The following NUF2 variants were observed in gnomAD, a reference collection of about 807,000 sequenced individuals.
NUF2 encodes kinetochore protein Nuf2.
In NUF2, 34 loss-of-function variants were observed where a neutral mutation model predicts 61.8. The ratio of observed to expected loss-of-function variants is 0.55; its 90% CI spans 0.42 to 0.73. The LOEUF (loss-of-function observed/expected upper bound fraction) is 0.73, where lower values mean the gene tolerates loss of function less well. Ranked by LOEUF, NUF2 falls within the 30% of genes least tolerant of loss-of-function variation. NUF2 has a pLI of 0.00. For missense variants in NUF2, 445 were observed against 539.1 expected (o/e 0.83, Z 1.73); for synonymous variants, 172 against 181.6 (o/e 0.95, Z 0.42).
chr1:163,335,544 A>G (rs1411618216), intron 5 of NUF2, among the ~76,000 whole-genome samples: 2 of 148,668 alleles, frequency 1.3e-5, no homozygotes, highest in African/African-American at 4.9e-5. Context: ...ATATAATGTG[A>G]CTTTTAGGTG....
At chr1:163,355,202 C>A in intron 13 of NUF2, 133 bp from the exon 14 acceptor site, 1 of 647,812 alleles carries the variant, frequency 1.5e-6, no homozygotes. Flanking sequence ...TAGACATGCA[C>A]ATTTGTGTGT....
intron 5 of NUF2, among the ~76,000 whole-genome samples, chr1:163,334,921 T>A (rs1389506659): frequency 6.6e-6 from 1 of 152,160 alleles, no homozygotes; most frequent in Non-Finnish European, 1.5e-5. Context: ...CTGACTGTAC[T>A]ATGCCATTTT....
chr1:163,327,100 ACACACACACACACACACAC>A (rs1466566875), intron 2 of NUF2, among the ~76,000 whole-genome samples: 25,439 of 145,204 alleles, frequency 0.18, 2,234 homozygotes, highest in Non-Finnish European at 0.19. Flanking sequence ...TCCTGTGTTC[ACACACACACACACACACAC>A]ACACACACAC....
chr1:163,335,211 C>T (rs558332570), intron 5 of NUF2, among the ~76,000 whole-genome samples: 57 of 152,186 alleles, frequency 3.7e-4, no homozygotes, highest in African/African-American at 1.3e-3. Context: ...CTCGGCCTCC[C>T]AAAGTGCTAG....
intron 13 of NUF2, among the ~76,000 whole-genome samples, chr1:163,352,222 C>T (rs1433891387): frequency 6.6e-6 from 1 of 152,192 alleles, no homozygotes; most frequent in East Asian, 1.9e-4. Context: ...ACTCTTCATA[C>T]ATGTACATAG....
At chr1:163,348,896 T>C in intron 12 of NUF2, 49 bp from the exon 13 acceptor site, 4 of 1,581,718 alleles carry the variant, frequency 2.5e-6, no homozygotes, top group Non-Finnish European at 3.4e-6. Context: ...TGTTTGCCTT[T>C]TTAGTTGCTG....
chr1:163,339,311 G>A, intron 7 of NUF2, 70 bp from the exon 8 acceptor site: 1 of 858,842 alleles, frequency 1.2e-6, no homozygotes, highest in Non-Finnish European at 1.9e-6. Context: ...TCAGTTATTT[G>A]AGGACAGGTA....
chr1:163,339,072 G>A (rs1650855176), intron 7 of NUF2, among the ~76,000 whole-genome samples: 1 of 152,044 alleles, frequency 6.6e-6, no homozygotes. Flanking sequence ...CAGTGCAGAG[G>A]TAGAGAAATC....
intron 11 of NUF2, chr1:163,346,320 T>C (rs1261504101): frequency 6.6e-6 from 1 of 152,234 alleles, no homozygotes; most frequent in Non-Finnish European, 1.5e-5. Flanking sequence ...CAAAATATCT[T>C]ATTGTACTAA....
chr1:163,354,175 GC>G (rs1651414979), intron 13 of NUF2, among the ~76,000 whole-genome samples: 1 of 151,998 alleles, frequency 6.6e-6, no homozygotes, highest in African/African-American at 2.4e-5. Context: ...AAGAAATAAA[GC>G]CTTCAAAAAT....
At chr1:163,334,455 C>T (rs542922131) in intron 5 of NUF2, among the ~76,000 whole-genome samples, 3 of 152,132 alleles carry the variant, frequency 2.0e-5, no homozygotes, top group African/African-American at 7.2e-5. Context: ...GTTAAAAAGC[C>T]TTTATTTCAC....
chr1:163,355,436 A>G lies in NUF2; in HGVS notation c.1362A>G (p.Glu454=), dbSNP rs1651455429. ...SYAKIDEKTA[E]LKRKMFKMST ...CTAAGATAGATGAGAAGACAGCTGA[A>G]CTGAAGAGGAAGATGTTCAAAATGT... Residue 454 remains glutamate (E), a synonymous_variant, in exon 14 of 14, where the codon GAA becomes GAG. Transcript: ENST00000271452. 6.2e-7 allele frequency: 1 copy of G among 1,602,416 alleles called. No individual in the cohort carries two copies. The highest frequency in any genetic ancestry group is 8.5e-7 in the Non-Finnish European group (1 of 1,174,088).
intron 5 of NUF2, among the ~76,000 whole-genome samples, chr1:163,335,451 T>G (rs1650726034): frequency 6.6e-6 from 1 of 152,192 alleles, no homozygotes; most frequent in Non-Finnish European, 1.5e-5. Context: ...CTTATCTTTG[T>G]TTCTCTCTAT....
intron 1 of NUF2, among the ~76,000 whole-genome samples, chr1:163,322,471 A>C (rs1650260098): frequency 6.6e-6 from 1 of 152,188 alleles, no homozygotes; most frequent in South Asian, 2.1e-4. Flanking sequence ...CAAATCCAAA[A>C]CCATGAATGA....
Position 163,328,316 on chromosome 1 carries a change from G to A in NUF2, c.275+12G>A, listed in dbSNP as rs1338333824. On this transcript the variant is annotated intron_variant, in intron 4 of 13. Transcript: ENST00000271452. ...TTAGTTACTCATCTGTGAGTAAAGAGTGATTTTATTGTCTTCGTCTACATT... is the reference window on the plus strand; with the variant it reads ...TTAGTTACTCATCTGTGAGTAAAGAATGATTTTATTGTCTTCGTCTACATT... 1.3e-6 allele frequency: 2 copies of A among 1,522,722 alleles called. No homozygotes were observed. Among genetic ancestry groups the A allele is most frequent in the Admixed American group, 1.7e-5 (1 of 57,648 alleles). The allele number at this position is 1,522,722 out of a possible 1,614,324, so 94.3% of individuals were successfully genotyped here. A position where few individuals can be genotyped will look rare whatever the true frequency, so the allele number is the denominator to read the frequency against.
Position 163,350,627 on chromosome 1 carries a change from T to C in NUF2, c.1260+1547T>C, listed in dbSNP as rs560442820. On this transcript the variant is annotated intron_variant, in intron 13 of 13. Coordinates refer to ENST00000271452, the MANE Select transcript of NUF2 (RefSeq NM_145697.3). Reference sequence around the variant, plus strand: ...CTAGAATGGTGCCTTATGTGTAGTATGTTTTCCATAAATATTTATAAAATT... The same window carrying C: ...CTAGAATGGTGCCTTATGTGTAGTACGTTTTCCATAAATATTTATAAAATT... Among the ~76,000 whole-genome samples the C allele has an allele frequency of 6.6e-5, 10 of 152,332 alleles. No individual in the cohort carries two copies. The East Asian group carries it at 1.9e-3, about 29-fold the overall frequency.
At position 163,336,732 on chromosome 1, in the gene NUF2, G is replaced by A; in HGVS notation, c.338-19G>A. The A allele has an allele frequency of 6.6e-7, 1 of 1,508,034 alleles. No homozygotes were observed. The highest frequency in any genetic ancestry group is 9.2e-7 in the Non-Finnish European group (1 of 1,084,006). The allele number at this position is 1,508,034 out of a possible 1,614,324, so 93.4% of individuals were successfully genotyped here. ...GTTAGTTCAAAGGTTTATTTAAAGA[G>A]TCTTGCTTTCTATTTTAGAAGCAAA... On this transcript the variant is annotated intron_variant, in intron 5 of 13. Coordinates refer to ENST00000271452, the MANE Select transcript of NUF2 (RefSeq NM_145697.3).
At chr1:163,341,925 C>T (rs761149110) in intron 9 of NUF2, among the ~76,000 whole-genome samples, 1 of 152,052 alleles carries the variant, frequency 6.6e-6, no homozygotes, top group Admixed American at 6.6e-5. Flanking sequence ...CCACCGCACC[C>T]GGCCACTTAT....
At chr1:163,352,492 G>A (rs1017784904) in intron 13 of NUF2, among the ~76,000 whole-genome samples, 3 of 152,292 alleles carry the variant, frequency 2.0e-5, no homozygotes, top group African/African-American at 4.8e-5. Context: ...CAATGTATCT[G>A]CTAGGTGTCA....
Sources: gnomAD v4.1 joint callset for allele counts (sites outside exome capture counted in the v4.1 genomes callset) on GRCh38, gnomAD v4.1.1 for gene constraint, MANE v1.5 for transcripts, NCBI Gene and HGNC (gene_info 2026-07-23, HGNC 2026-07-21) for gene names.